The following EDIL3 variants were observed in gnomAD, a reference collection of about 807,000 sequenced individuals.
EDIL3 encodes EGF like and discoidin domains 3.
In EDIL3, 37 loss-of-function variants were observed where a neutral mutation model predicts 67.4. The ratio of observed to expected loss-of-function variants is 0.55; its 90% confidence interval spans 0.42 to 0.72. The LOEUF (loss-of-function observed/expected upper bound fraction) is 0.72. Among genes scored for constraint, EDIL3 ranks in the 30% least tolerant of loss-of-function variants. The pLI is 0.00. For synonymous variants in EDIL3, 195 were observed against 196.3 expected (o/e 0.99, Z 0.05); for missense variants, 527 against 586.3 (o/e 0.90, Z 1.04).
At chr5:84,263,226 A>T (rs1395790353) in intron 1 of EDIL3, among the ~76,000 whole-genome samples, 1 of 152,176 alleles carries the variant, frequency 6.6e-6, no homozygotes, top group Non-Finnish European at 1.5e-5. Context: ...TGAGTCAAGA[A>T]GCCTTCTGAG....
intron 7 of EDIL3, among the ~76,000 whole-genome samples, chr5:84,066,114 C>CA (rs1177616777): frequency 0.026 from 1,616 of 62,826 alleles, 9 homozygotes; most frequent in East Asian, 0.055. Context: ...GACTTTGTCT[C>CA]AAAAAAAAAA....
At chr5:84,253,044 G>A (rs1420912672) in intron 2 of EDIL3, among the ~76,000 whole-genome samples, 1 of 151,914 alleles carries the variant, frequency 6.6e-6, no homozygotes, top group Non-Finnish European at 1.5e-5. Flanking sequence ...GGCCAAAGAT[G>A]GTAAATTAAT....
intron 9 of EDIL3, among the ~76,000 whole-genome samples, chr5:83,974,467 A>G (rs1744845824): frequency 6.6e-6 from 1 of 151,980 alleles, no homozygotes; most frequent in South Asian, 2.1e-4. Context: ...GACTGCCCCA[A>G]AGGATGACAA....
intron 1 of EDIL3, among the ~76,000 whole-genome samples, chr5:84,301,312 T>C (rs1746158499): frequency 1.4e-5 from 2 of 147,134 alleles, no homozygotes; most frequent in Non-Finnish European, 3.0e-5. Flanking sequence ...TATAGAATCA[T>C]ATGGAATCAG....
chr5:84,061,141 T>G (rs1746535044), intron 8 of EDIL3, among the ~76,000 whole-genome samples: 1 of 152,116 alleles, frequency 6.6e-6, no homozygotes, highest in South Asian at 2.1e-4. Context: ...CAGAAGATAA[T>G]AAGATAATTC....
At position 84,076,659 on chromosome 5, in the gene EDIL3, C is replaced by G. The variant is rs1240764587; in HGVS notation, c.652-10053G>C. 2.0e-5 allele frequency among the ~76,000 whole-genome samples: 3 copies of G among 152,154 alleles called. No homozygotes were observed. The East Asian group carries it at 5.8e-4, about 29-fold the overall frequency. On this transcript the variant is annotated intron_variant, in intron 6 of 10. Transcript: ENST00000296591. ...TTTAATTATTGGAATGTATGAAACTCACATTGATAGTTACAAGTTTTCCAA... is the reference window on the plus strand; with the variant it reads ...TTTAATTATTGGAATGTATGAAACTGACATTGATAGTTACAAGTTTTCCAA...
At chr5:84,019,871 T>C (rs1365272742) in intron 9 of EDIL3, among the ~76,000 whole-genome samples, 1 of 152,024 alleles carries the variant, frequency 6.6e-6, no homozygotes, top group Non-Finnish European at 1.5e-5. Flanking sequence ...GGAACTTGCA[T>C]TCTAATTTAG....
intron 10 of EDIL3, among the ~76,000 whole-genome samples, chr5:83,947,132 G>A (rs985131710): frequency 1.6e-4 from 24 of 151,838 alleles, no homozygotes; most frequent in African/African-American, 5.1e-4. Context: ...TTTTTCTTCT[G>A]CTATTTGGAG....
At chr5:84,312,809 A>G (rs1396155007) in intron 1 of EDIL3, among the ~76,000 whole-genome samples, 1 of 152,216 alleles carries the variant, frequency 6.6e-6, no homozygotes, top group Non-Finnish European at 1.5e-5. Flanking sequence ...TAATCCATCA[A>G]AGTGCTCTTC....
intron 1 of EDIL3, among the ~76,000 whole-genome samples, chr5:84,303,845 TGTGTTTGTG>T (rs1561251120): frequency 6.8e-5 from 10 of 147,532 alleles, no homozygotes; most frequent in African/African-American, 2.0e-4. Context: ...TGTGTGTGTG[TGTGTTTGTG>T]TGTGTGTGTG....
intron 9 of EDIL3, among the ~76,000 whole-genome samples, chr5:84,008,426 C>T (rs540778766): frequency 1.5e-4 from 22 of 151,686 alleles, no homozygotes; most frequent in African/African-American, 5.3e-4. Context: ...TACTATGTAC[C>T]CACAAAAATG....
intron 9 of EDIL3, among the ~76,000 whole-genome samples, chr5:83,980,548 C>T (rs1182406900): frequency 6.6e-6 from 1 of 151,388 alleles, no homozygotes; most frequent in Non-Finnish European, 1.5e-5. Flanking sequence ...ATTAGCTGGG[C>T]CTGGTGGCGC....
At chr5:83,984,538 G>A (rs767765818) in intron 9 of EDIL3, among the ~76,000 whole-genome samples, 1 of 152,054 alleles carries the variant, frequency 6.6e-6, no homozygotes, top group East Asian at 1.9e-4. Context: ...AGCTACATAC[G>A]GTGACAAAGA....
At chr5:84,137,454 T>C in intron 4 of EDIL3, 100 bp from the exon 5 acceptor site, 1 of 1,037,962 alleles carries the variant, frequency 9.6e-7, no homozygotes, top group Admixed American at 2.1e-5. Flanking sequence ...TTAGTAATGC[T>C]ATTCCTTTGT....
Position 84,384,291 on chromosome 5 carries a change from G to A in EDIL3, c.67+17C>T. The A allele has an allele frequency of 6.2e-7, 1 of 1,605,494 alleles. No homozygotes were observed. Among genetic ancestry groups the A allele is most frequent in the South Asian group, 1.1e-5 (1 of 89,874 alleles). On this transcript the variant is annotated intron_variant, in intron 1 of 10. Coordinates refer to ENST00000296591, the MANE Select transcript of EDIL3 (RefSeq NM_005711.5). ...CAGCCCATCCCTCACCCAGCTGTCC[G>A]GGTCCCGACGCCTTACCTTTGCCGA...
At chr5:84,012,360 T>G (rs796789633) in intron 9 of EDIL3, among the ~76,000 whole-genome samples, 5 of 152,302 alleles carry the variant, frequency 3.3e-5, no homozygotes, top group African/African-American at 1.2e-4. Context: ...GCTTTTGTAA[T>G]GACAAAAATA....
At chr5:84,302,442 G>A (rs990003164) in intron 1 of EDIL3, among the ~76,000 whole-genome samples, 1 of 151,966 alleles carries the variant, frequency 6.6e-6, no homozygotes, top group African/African-American at 2.4e-5. Context: ...GACTACAGGC[G>A]CCTGACACCA....
chr5:84,181,844 C>T (rs1749018984), intron 3 of EDIL3, among the ~76,000 whole-genome samples: 1 of 152,024 alleles, frequency 6.6e-6, no homozygotes, highest in Admixed American at 6.6e-5. Flanking sequence ...GAGAGTAGAA[C>T]ATATTTATAA....
intron 5 of EDIL3, among the ~76,000 whole-genome samples, chr5:84,114,457 C>T (rs1278662777): frequency 6.6e-6 from 1 of 152,114 alleles, no homozygotes; most frequent in Non-Finnish European, 1.5e-5. Flanking sequence ...TCCTGCAGAG[C>T]ACCCCCTGGG....
Sources: gnomAD v4.1 joint callset for allele counts (sites outside exome capture counted in the v4.1 genomes callset) on GRCh38, gnomAD v4.1.1 for gene constraint, MANE v1.5 for transcripts, NCBI Gene and HGNC (gene_info 2026-07-23, HGNC 2026-07-21) for gene names.